The following TENM3 variants were observed in gnomAD, a reference collection of about 807,000 sequenced individuals.
TENM3 encodes teneurin transmembrane protein 3.
Under a neutral mutation model 255.1 loss-of-function variants are expected in TENM3, and 63 were observed. That is an observed-to-expected ratio of 0.25 (90% CI 0.20 to 0.30). TENM3 has a LOEUF of 0.30. TENM3 is among the 10% of genes least tolerant of loss of function. The probability of loss-of-function intolerance (pLI) is 1.00; values close to 1 mark genes in which losing one functional copy is unlikely to be tolerated. For synonymous variants in TENM3, 1,306 were observed against 1,322.3 expected, an observed-to-expected ratio of 0.99 and a Z score of 0.27; for missense variants, 2,929 against 3,461.1, an observed-to-expected ratio of 0.85 and a Z score of 3.86.
the TENM3 span, among the ~76,000 whole-genome samples, chr4:181,709,743 T>C: frequency 6.6e-6 from 1 of 152,132 alleles, no homozygotes; most frequent in Non-Finnish European, 1.5e-5. Context: ...GGGAGACTAG[T>C]TGGGAGTCGA....
chr4:181,691,701 A>T, the TENM3 span, among the ~76,000 whole-genome samples: 2 of 152,168 alleles, frequency 1.3e-5, no homozygotes, highest in Non-Finnish European at 2.9e-5. Context: ...CAACCAATAC[A>T]TTCTTAAAAA....
intron 1 of TENM3, among the ~76,000 whole-genome samples, chr4:182,288,451 G>A (rs577412882): frequency 3.3e-5 from 5 of 152,210 alleles, no homozygotes; most frequent in Admixed American, 3.3e-4. Context: ...TAGTTTTCAC[G>A]TAAGTTCCTC....
chr4:182,431,086 A>C (rs1211064251), intron 3 of TENM3, among the ~76,000 whole-genome samples: 1 of 152,124 alleles, frequency 6.6e-6, no homozygotes, highest in Non-Finnish European at 1.5e-5. Context: ...GTAGCATGGA[A>C]AGGGGGTACT....
At chr4:182,335,441 G>A (rs1359596901) in intron 2 of TENM3, among the ~76,000 whole-genome samples, 2 of 126,632 alleles carry the variant, frequency 1.6e-5, no homozygotes, top group East Asian at 6.2e-4. Flanking sequence ...CTTGCAGTGA[G>A]CCGAGATCGC....
chr4:181,928,041 C>A, the TENM3 span, among the ~76,000 whole-genome samples: 3 of 152,062 alleles, frequency 2.0e-5, no homozygotes, highest in Non-Finnish European at 4.4e-5. Flanking sequence ...ACATCAAAGA[C>A]CAAAAGTAGA....
chr4:182,329,049 C>A (rs954953364), intron 2 of TENM3, among the ~76,000 whole-genome samples: 1 of 152,056 alleles, frequency 6.6e-6, no homozygotes, highest in African/African-American at 2.4e-5. Flanking sequence ...TCTGAATGTT[C>A]CTGTAAATAT....
At chr4:181,668,625 A>G in the TENM3 span, among the ~76,000 whole-genome samples, 1 of 152,062 alleles carries the variant, frequency 6.6e-6, no homozygotes, top group Non-Finnish European at 1.5e-5. Context: ...GGATGCCAGG[A>G]ATGTTGTACT....
chr4:181,637,421 C>T, the TENM3 span, among the ~76,000 whole-genome samples: 82 of 152,264 alleles, frequency 5.4e-4, no homozygotes, highest in African/African-American at 1.9e-3. Flanking sequence ...AATTTATACC[C>T]ACTCCTTAAG....
chr4:181,570,438 C>G, the TENM3 span, among the ~76,000 whole-genome samples: 3 of 151,678 alleles, frequency 2.0e-5, no homozygotes, highest in Non-Finnish European at 2.9e-5. Flanking sequence ...GAGGTCAAGG[C>G]TGCAATGAAC....
chr4:182,256,932 C>T (rs1023331624), intron 1 of TENM3, among the ~76,000 whole-genome samples: 17 of 151,810 alleles, frequency 1.1e-4, no homozygotes, highest in African/African-American at 3.6e-4. Context: ...AAACGGTACC[C>T]GGAGTGCCAT....
chr4:182,681,081 C>T (rs1180146472), intron 10 of TENM3, among the ~76,000 whole-genome samples: 1 of 152,094 alleles, frequency 6.6e-6, no homozygotes, highest in East Asian at 1.9e-4. Flanking sequence ...AGCATTTTGA[C>T]ATCTCTAGAA....
At chr4:181,641,422 G>A in the TENM3 span, among the ~76,000 whole-genome samples, 1 of 150,794 alleles carries the variant, frequency 6.6e-6, no homozygotes, top group East Asian at 2.0e-4. Flanking sequence ...TTATGAGTGA[G>A]AACATGCGGT....
intron 3 of TENM3, among the ~76,000 whole-genome samples, chr4:182,490,103 A>C (rs1351939218): frequency 1.3e-5 from 2 of 152,202 alleles, no homozygotes; most frequent in Admixed American, 1.3e-4. Context: ...GAATGTCTTA[A>C]TTCTCACTAT....
chr4:182,082,497 G>A, the TENM3 span, among the ~76,000 whole-genome samples: 1 of 152,100 alleles, frequency 6.6e-6, no homozygotes, highest in South Asian at 2.1e-4. Flanking sequence ...ATACAATATT[G>A]AAAAACACAT....
At chr4:182,638,449 T>C (rs932040784) in intron 5 of TENM3, among the ~76,000 whole-genome samples, 1 of 152,066 alleles carries the variant, frequency 6.6e-6, no homozygotes, top group Admixed American at 6.6e-5. Context: ...ATTTTCATGA[T>C]TGAGTTGGGC....
the TENM3 span, among the ~76,000 whole-genome samples, chr4:181,766,864 A>G: frequency 7.2e-5 from 11 of 152,320 alleles, no homozygotes; most frequent in Admixed American, 3.3e-4. Flanking sequence ...ACCACAAAGC[A>G]GAAGAGAATT....
intron 12 of TENM3, among the ~76,000 whole-genome samples, chr4:182,706,067 A>T (rs1172568799): frequency 6.6e-6 from 1 of 152,172 alleles, no homozygotes; most frequent in Non-Finnish European, 1.5e-5. Flanking sequence ...AAGGATTTCC[A>T]CGTTGTTTAG....
chr4:182,594,167 T>C (rs1241305210), intron 3 of TENM3, among the ~76,000 whole-genome samples: 2 of 152,106 alleles, frequency 1.3e-5, no homozygotes, highest in Non-Finnish European at 2.9e-5. Flanking sequence ...GACATTTCCT[T>C]TTTGCATATT....
At chr4:182,216,706 T>C (rs1283735316) in intron 1 of TENM3, among the ~76,000 whole-genome samples, 5 of 152,218 alleles carry the variant, frequency 3.3e-5, no homozygotes, top group African/African-American at 1.2e-4. Flanking sequence ...AACTTCCTTA[T>C]TCACAGTTGA....
Sources: allele counts gnomAD v4.1 joint callset (sites outside exome capture counted in the v4.1 genomes callset), GRCh38; gene constraint gnomAD v4.1.1; transcripts MANE v1.5; gene names NCBI Gene and HGNC (gene_info 2026-07-23, HGNC 2026-07-21).